Variants in RBMS3 observed in about 807,000 individuals in gnomAD.
RBMS3 encodes RNA-binding motif, single-stranded-interacting protein 3.
In RBMS3, 27 loss-of-function variants were observed where a neutral mutation model predicts 66.8. That is an observed-to-expected ratio of 0.40 (90% CI 0.30 to 0.56). The LOEUF (loss-of-function observed/expected upper bound fraction) is 0.56, where lower values mean the gene tolerates loss of function less well. Among genes scored for constraint, RBMS3 ranks in the 20% least tolerant of loss-of-function variants. The probability of loss-of-function intolerance (pLI) is 0.40; values close to 1 mark genes in which losing one functional copy is unlikely to be tolerated. For missense variants in RBMS3, 513 were observed against 549.5 expected, an observed-to-expected ratio of 0.93 and a Z score of 0.66; for synonymous variants, 188 against 183.0, an observed-to-expected ratio of 1.03 and a Z score of -0.22.
chr3:29,649,408 A>C (rs2149210732), intron 4 of RBMS3, among the ~76,000 whole-genome samples: 1 of 152,326 alleles, frequency 6.6e-6, no homozygotes, highest in Admixed American at 6.5e-5. Flanking sequence ...TGACATTTTA[A>C]AAAACTCATA....
chr3:29,564,302 C>A (rs1255444547), intron 3 of RBMS3, among the ~76,000 whole-genome samples: 1 of 151,684 alleles, frequency 6.6e-6, no homozygotes, highest in Admixed American at 6.6e-5. Context: ...CATAGTGAAA[C>A]ATGTCTCCAC....
At chr3:29,619,309 T>A (rs2077979) in intron 4 of RBMS3, among the ~76,000 whole-genome samples, 27,121 of 151,346 alleles carry the variant, frequency 0.18, 3,004 homozygotes, top group East Asian at 0.33. Context: ...AGTTTTAGTT[T>A]AAAAAAAGAA....
intron 10 of RBMS3, among the ~76,000 whole-genome samples, chr3:29,913,008 C>T (rs1489649790): frequency 6.6e-6 from 1 of 151,794 alleles, no homozygotes; most frequent in Non-Finnish European, 1.5e-5. Flanking sequence ...CTGTTGAGTG[C>T]TTGAGAGGCA....
At chr3:29,908,247 T>C (rs2060431677) in intron 10 of RBMS3, among the ~76,000 whole-genome samples, 1 of 150,384 alleles carries the variant, frequency 6.6e-6, no homozygotes, top group Admixed American at 6.6e-5. Context: ...CAAGACCTTG[T>C]CTCAAAAAAA....
intron 4 of RBMS3, among the ~76,000 whole-genome samples, chr3:29,712,229 A>G (rs2053202107): frequency 6.6e-6 from 1 of 152,166 alleles, no homozygotes. Context: ...TCAGATAGCT[A>G]GTAAAATATT....
At chr3:29,991,743 T>G (rs1698889233) in intron 14 of RBMS3, 1 of 152,390 alleles carries the variant, frequency 6.6e-6, no homozygotes, top group Admixed American at 6.5e-5. Flanking sequence ...ATTGGAAAAA[T>G]TATAATATTC....
At chr3:29,720,656 G>A (rs2053604694) in intron 4 of RBMS3, among the ~76,000 whole-genome samples, 1 of 150,992 alleles carries the variant, frequency 6.6e-6, no homozygotes, top group Non-Finnish European at 1.5e-5. Flanking sequence ...TAAAGTGTGT[G>A]GAAATAATTT....
chr3:29,755,903 A>G (rs574889472), intron 5 of RBMS3, among the ~76,000 whole-genome samples: 8 of 152,338 alleles, frequency 5.3e-5, no homozygotes, highest in Admixed American at 5.2e-4. Context: ...CATTTAGGAA[A>G]GGATGAGCAG....
chr3:29,910,761 A>ATATGTG (rs2060495001), intron 10 of RBMS3, among the ~76,000 whole-genome samples: 1 of 151,578 alleles, frequency 6.6e-6, no homozygotes, highest in Admixed American at 6.6e-5. Flanking sequence ...ATATACATAT[A>ATATGTG]TATGTATACG....
Position 29,738,676 on chromosome 3 carries a change from G to C in RBMS3, c.400-1044G>C, listed in dbSNP as rs6775151. On this transcript the variant is annotated intron_variant, in intron 4 of 14. Transcript: ENST00000383767. Reference sequence around the variant, plus strand: ...TAAGCTGTCATCAGGATCACCTGGAGGGCTTGTCAAAACACAGATTTCTTG... The same window carrying C: ...TAAGCTGTCATCAGGATCACCTGGACGGCTTGTCAAAACACAGATTTCTTG... 7.0e-4 allele frequency among the ~76,000 whole-genome samples: 106 copies of C among 152,298 alleles called. 1 individual carries two copies. Among genetic ancestry groups the C allele is most frequent in the African/African-American group, 2.5e-3 (105 of 41,556 alleles).
At chr3:29,365,588 T>C (rs2037855844) in intron 1 of RBMS3, among the ~76,000 whole-genome samples, 1 of 152,160 alleles carries the variant, frequency 6.6e-6, no homozygotes. Flanking sequence ...TTAAGTCTCT[T>C]TGTATTCGTT....
chr3:29,798,328 G>GGGAAGGGAAGGGAAGAGAAGGGAA (rs2057278031), intron 6 of RBMS3, among the ~76,000 whole-genome samples: 1 of 79,758 alleles, frequency 1.3e-5, no homozygotes, highest in African/African-American at 5.5e-5. Flanking sequence ...AGGGAAGGGA[G>GGGAAGGGAAGGGAAGAGAAGGGAA]GGGAGGGGAG....
At chr3:29,978,712 T>C (rs1356974867) in intron 12 of RBMS3, among the ~76,000 whole-genome samples, 1 of 152,138 alleles carries the variant, frequency 6.6e-6, no homozygotes, top group Non-Finnish European at 1.5e-5. Context: ...ATTTCTTACT[T>C]AAATTATTAA....
chr3:29,464,510 T>C (rs1198546280), intron 2 of RBMS3, among the ~76,000 whole-genome samples: 1 of 152,194 alleles, frequency 6.6e-6, no homozygotes, highest in Non-Finnish European at 1.5e-5. Context: ...AAATGCATTG[T>C]TAAACCATAG....
At chr3:29,618,452 G>A (rs79172435) in intron 4 of RBMS3, among the ~76,000 whole-genome samples, 11,471 of 151,958 alleles carry the variant, frequency 0.075, 483 homozygotes, top group Non-Finnish European at 0.085. Context: ...GTTAGAGTGA[G>A]CCGAGATCGT....
chr3:29,361,430 T>C (rs1017850744), intron 1 of RBMS3, among the ~76,000 whole-genome samples: 2 of 152,240 alleles, frequency 1.3e-5, no homozygotes, highest in South Asian at 4.1e-4. Flanking sequence ...GTTAGTCTGA[T>C]GGGCTTCACT....
intron 1 of RBMS3, among the ~76,000 whole-genome samples, chr3:29,426,214 T>C (rs1327940660): frequency 6.6e-6 from 1 of 152,206 alleles, no homozygotes; most frequent in Non-Finnish European, 1.5e-5. Flanking sequence ...AAAAAATTAG[T>C]CAAATTAAAA....
chr3:29,939,733 C>T (rs138210927), intron 11 of RBMS3, among the ~76,000 whole-genome samples: 1 of 151,936 alleles, frequency 6.6e-6, no homozygotes, highest in Non-Finnish European at 1.5e-5. Flanking sequence ...ACTTATGCCA[C>T]ATGATTTTCG....
At chr3:29,741,516 C>T (rs75225546) in intron 5 of RBMS3, among the ~76,000 whole-genome samples, 9,211 of 152,252 alleles carry the variant, frequency 0.06, 393 homozygotes, top group Non-Finnish European at 0.088. Context: ...TCCCCCATCC[C>T]TTGCCCTCCA....
Sources: gnomAD v4.1 joint callset for allele counts (sites outside exome capture counted in the v4.1 genomes callset) on GRCh38, gnomAD v4.1.1 for gene constraint, MANE v1.5 for transcripts, NCBI Gene and HGNC (gene_info 2026-07-23, HGNC 2026-07-21) for gene names.